The following LIAS variants were observed in gnomAD, a reference collection of about 807,000 sequenced individuals.
The protein encoded by LIAS is lipoic acid synthetase, also known as lipoyl synthase, mitochondrial.
Under a neutral mutation model 49.4 loss-of-function variants are expected in LIAS, and 36 were observed. That is an observed-to-expected ratio of 0.73 (90% CI 0.56 to 0.96). The LOEUF is 0.96. LIAS is among the 40% of genes least tolerant of loss of function. LIAS has a pLI of 0.00. For missense variants in LIAS, 399 were observed against 456.3 expected (o/e 0.87, Z 1.14); for synonymous variants, 145 against 155.8 (o/e 0.93, Z 0.52).
Position 39,462,200 on chromosome 4 carries a change from A to T in LIAS, c.223A>T (p.Arg75Ter). The T allele has an allele frequency of 1.3e-6, 2 of 1,521,214 alleles. No individual in the cohort carries two copies. The highest frequency in any genetic ancestry group is 1.8e-6 in the Non-Finnish European group (2 of 1,128,340). The allele number at this position is 1,521,214 out of a possible 1,614,324, so 94.2% of individuals were successfully genotyped here. Residue 75 changes from arginine to a stop codon, truncating the protein, a stop_gained, in exon 3 of 11, where the codon AGA becomes TGA. Coordinates refer to ENST00000640888, the MANE Select transcript of LIAS (RefSeq NM_006859.4). LOFTEE classifies it high-confidence loss of function. ...GTTATGTTTGGCTTTCCTTAGGTTA[A>T]GACTACCTCCATGGCTAAAGACAGA... The part of the protein sequence containing the change: ...NLKRQKGERL[R>*]LPPWLKTEIP...
rs1744705311 is a variant in LIAS at position 39,465,061 on chromosome 4, T to C, written c.409T>C (p.Cys137Arg). The change falls in exon 5 of 11, where the codon TGT becomes CGT. Residue 137 changes from cysteine (C) to arginine (R), a missense_variant. Cys to Arg is a radical substitution (Grantham distance 180, BLOSUM62 -3). Transcript: ENST00000640888. ...TCTATTCTAGTTGATGGGTGACACA[T>C]GTACAAGAGGTTGCAGATTTTGTTC... ...TATIMLMGDTCTRGCRFCSVK... is the reference protein window; with the variant it reads ...TATIMLMGDTRTRGCRFCSVK... 7.4e-6 allele frequency: 12 copies of C among 1,613,580 alleles called. No individual in the cohort carries two copies. Among genetic ancestry groups the C allele is most frequent in the Non-Finnish European group, 1.0e-5 (12 of 1,179,738 alleles).
intron 10 of LIAS, 82 bp downstream of exon 10, chr4:39,473,293 G>C (rs1270841018): frequency 3.5e-6 from 3 of 853,642 alleles, no homozygotes; most frequent in Non-Finnish European, 5.9e-6. Flanking sequence ...TAAAACTCTT[G>C]ACAAATTCTA....
chr4:39,463,860 T>C, intron 4 of LIAS: 1 of 563,328 alleles, frequency 1.8e-6, no homozygotes. Context: ...ACCTCTCCTA[T>C]CAATGTTTGG....
chr4:39,472,842 C>T (rs1745046052), intron 9 of LIAS, among the ~76,000 whole-genome samples: 1 of 152,220 alleles, frequency 6.6e-6, no homozygotes, highest in Admixed American at 6.5e-5. Context: ...TCTTCTTTCT[C>T]TGTCCTTTGG....
chr4:39,469,654 T>G (rs2109882268), intron 7 of LIAS: 1 of 170,380 alleles, frequency 5.9e-6, no homozygotes, highest in South Asian at 1.8e-4. Flanking sequence ...CTTGAAAGTT[T>G]CAACCCTCTG....
At chr4:39,472,380 CA>C (rs1208123008) in intron 9 of LIAS, among the ~76,000 whole-genome samples, 1 of 152,102 alleles carries the variant, frequency 6.6e-6, no homozygotes, top group African/African-American at 2.4e-5. Flanking sequence ...TGGGCCTGTG[CA>C]GTTACCATGT....
rs1745052351 is a variant in LIAS at position 39,473,008 on chromosome 4, A to G, written c.955-92A>G. 7.1e-6 allele frequency: 5 copies of G among 707,652 alleles called. No individual in the cohort carries two copies. In the African/African-American group the frequency reaches 7.2e-5, roughly 10 times the overall value. 43.8% of individuals were successfully genotyped at this position (707,652 alleles called of 1,614,324 possible). A position where few individuals can be genotyped will look rare whatever the true frequency, so the allele number is the denominator to read the frequency against. Reference sequence around the variant, plus strand: ...GGGGTGGGGGCAAGATAAATTACGCAGTGAAGAGCATTCTGCATACATAGG... The same window carrying G: ...GGGGTGGGGGCAAGATAAATTACGCGGTGAAGAGCATTCTGCATACATAGG... On this transcript the variant is annotated intron_variant, in intron 9 of 10. Coordinates refer to ENST00000640888, the MANE Select transcript of LIAS (RefSeq NM_006859.4).
At chr4:39,465,490 CT>C (rs1744721802) in intron 6 of LIAS, 148 bp downstream of exon 6, 1 of 739,150 alleles carries the variant, frequency 1.4e-6, no homozygotes, top group East Asian at 2.7e-5. Context: ...GTACACATTT[CT>C]TTGGAAAAAG....
At position 39,478,210 on chromosome 4, in the gene LIAS, AG is replaced by A. The variant is rs537327134; in HGVS notation, c.*1096del. ...TATTGGAATAATTTAGAAAGGCTTA[AG>A]AGTGAATGTTGGCCAGATGTGGTGG... is the stretch of plus-strand genomic sequence containing the variant. On this transcript the variant is annotated 3_prime_UTR_variant, in exon 11 of 11. Transcript: ENST00000640888. The A allele has an allele frequency of 1.2e-3, 177 of 152,376 alleles. 1 individual carries two copies. Among genetic ancestry groups the A allele is most frequent in the African/African-American group, 4.2e-3 (174 of 41,586 alleles). 9.4% of individuals were successfully genotyped at this position (152,376 alleles called of 1,614,324 possible). A position where few individuals can be genotyped will look rare whatever the true frequency, so the allele number is the denominator to read the frequency against.
chr4:39,463,919 T>A, intron 4 of LIAS: 1 of 260,178 alleles, frequency 3.8e-6, no homozygotes, highest in Non-Finnish European at 7.0e-6. Context: ...CTGTTTAACA[T>A]ATTCAACAAG....
chr4:39,461,024 A>G, intron 2 of LIAS, 62 bp downstream of exon 2: 1 of 1,366,248 alleles, frequency 7.3e-7, no homozygotes, highest in East Asian at 2.3e-5. Flanking sequence ...ATTTTCAGAT[A>G]TAACCAAGCC....
At position 39,477,063 on chromosome 4, in the gene LIAS, G is replaced by A; in HGVS notation, c.1067G>A (p.Gly356Asp). 6.3e-7 allele frequency: 1 copy of A among 1,574,950 alleles called. No individual in the cohort carries two copies. Among genetic ancestry groups the A allele is most frequent in the Non-Finnish European group, 8.7e-7 (1 of 1,154,248 alleles). ...ATGTGTTTTCCTTTTTCCTAAATAG[G>A]TGAATTTTTCCTGAAAAATCTAGTG... ...GPLVRSSYKA[G>D]EFFLKNLVAK... Residue 356 changes from glycine (G) to aspartate (D), a missense_variant and splice_region_variant, in exon 11 of 11, where the codon GGT (glycine) becomes GAT (aspartate). Gly to Asp is a moderately conservative substitution (Grantham distance 94, BLOSUM62 -1). This residue lies in a region of LIAS where 234 missense variants were observed against 292.2 expected (regional missense o/e 0.80). Coordinates refer to ENST00000640888, the MANE Select transcript of LIAS (RefSeq NM_006859.4).
intron 3 of LIAS, 66 bp downstream of exon 3, chr4:39,462,355 A>G (rs1042127626): frequency 3.7e-6 from 2 of 538,378 alleles, no homozygotes; most frequent in Non-Finnish European, 6.0e-6. Context: ...TATATAACTT[A>G]AAAATTATTA....
chr4:39,460,784 C>A lies in LIAS; in HGVS notation c.46-6C>A. ...AAATAAACGTCATAATTAACTCTTT[C>A]TTTAGGTATTTGGGAGATATTTTTG... is the stretch of plus-strand genomic sequence containing the variant. On this transcript the variant is annotated splice_region_variant and splice_polypyrimidine_tract_variant and intron_variant, in intron 1 of 10. Coordinates refer to ENST00000640888, the MANE Select transcript of LIAS (RefSeq NM_006859.4). The A allele has an allele frequency of 6.4e-7, 1 of 1,557,532 alleles. No homozygotes were observed. The highest frequency in any genetic ancestry group is 8.7e-7 in the Non-Finnish European group (1 of 1,155,894).
intron 6 of LIAS, 152 bp downstream of exon 6, chr4:39,465,494 G>T: frequency 2.8e-6 from 2 of 723,188 alleles, no homozygotes; most frequent in African/African-American, 1.8e-5. Context: ...ACATTTCTTT[G>T]GAAAAAGCAT....
intron 9 of LIAS, 151 bp downstream of exon 9, chr4:39,471,457 C>A: frequency 1.9e-6 from 1 of 514,668 alleles, no homozygotes; most frequent in Non-Finnish European, 3.4e-6. Flanking sequence ...CCTCACCCTC[C>A]TGAGCAGCTG....
At chr4:39,468,197 T>G (rs1254785038) in intron 7 of LIAS, 1 of 152,118 alleles carries the variant, frequency 6.6e-6, no homozygotes, top group African/African-American at 2.4e-5. Context: ...AAAATATATT[T>G]GGCTGGATGC....
intron 10 of LIAS, chr4:39,473,503 C>A: frequency 4.4e-6 from 1 of 227,884 alleles, no homozygotes; most frequent in Non-Finnish European, 8.5e-6. Flanking sequence ...GTGTAGATTT[C>A]AGTAGTAGGT....
rs368600562 is a variant in LIAS, at chr4:39,467,466, C to T, written c.609-52C>T. 263 of 1,484,846 alleles carry T rather than the reference C, an allele frequency of 1.8e-4. No homozygotes were observed. The African/African-American group carries it at 3.1e-3, about 18-fold the overall frequency. The allele number at this position is 1,484,846 out of a possible 1,614,324, so 92.0% of individuals were successfully genotyped here. A position where few individuals can be genotyped will look rare whatever the true frequency, so the allele number is the denominator to read the frequency against. On this transcript the variant is annotated intron_variant, in intron 6 of 10. Coordinates refer to ENST00000640888, the MANE Select transcript of LIAS (RefSeq NM_006859.4). ...TACTGATAATTTCTATTTTGAGGAA[C>T]AGGTATGTCAGTTCTTTCTCTCTGT...
Sources: allele counts gnomAD v4.1 joint callset (sites outside exome capture counted in the v4.1 genomes callset), GRCh38; gene constraint gnomAD v4.1.1; regional missense constraint gnomAD v4.1.1; transcripts MANE v1.5; gene names NCBI Gene and HGNC (gene_info 2026-07-23, HGNC 2026-07-21).